Variants in CEP112 observed in about 807,000 individuals in gnomAD.
The protein encoded by CEP112 is centrosomal protein 112, also known as centrosomal protein of 112 kDa.
Under a neutral mutation model 153.0 loss-of-function variants are expected in CEP112, and 127 were observed. The observed-to-expected ratio is 0.83, with a 90% CI of 0.72 to 0.96. The LOEUF (loss-of-function observed/expected upper bound fraction) is 0.96. CEP112 is among the 40% of genes least tolerant of loss of function. The pLI, the probability that CEP112 is intolerant of heterozygous loss-of-function variation, is 0.00. For synonymous variants in CEP112, 358 were observed against 374.4 expected (o/e 0.96, Z 0.51); for missense variants, 1,089 against 1,101.2 (o/e 0.99, Z 0.16).
At chr17:66,152,049 G>A (rs2071233267) in intron 4 of CEP112, among the ~76,000 whole-genome samples, 1 of 152,138 alleles carries the variant, frequency 6.6e-6, no homozygotes, top group African/African-American at 2.4e-5. Flanking sequence ...GCTAGGTATA[G>A]CTAGAAAGAC....
intron 21 of CEP112, among the ~76,000 whole-genome samples, chr17:65,808,320 G>T (rs1362150192): frequency 1.3e-5 from 2 of 152,166 alleles, no homozygotes; most frequent in Non-Finnish European, 2.9e-5. Flanking sequence ...CTCATAGGTG[G>T]AAGGGACTTG....
intron 20 of CEP112, among the ~76,000 whole-genome samples, chr17:65,874,631 A>T (rs959250171): frequency 3.3e-5 from 5 of 152,268 alleles, no homozygotes; most frequent in Admixed American, 6.5e-5. Flanking sequence ...ATTGCATCAT[A>T]AAATTACATT....
chr17:65,750,822 G>T, intron 21 of CEP112, 98 bp from the exon 22 acceptor site: 1 of 1,051,766 alleles, frequency 9.5e-7, no homozygotes, highest in African/African-American at 1.6e-5. Context: ...CCTGCCAGCT[G>T]CACCGCCCTT....
At chr17:66,049,393 A>G (rs1355851327) in intron 12 of CEP112, among the ~76,000 whole-genome samples, 2 of 152,350 alleles carry the variant, frequency 1.3e-5, no homozygotes, top group East Asian at 3.9e-4. Flanking sequence ...GACTTATATA[A>G]CATTCTGAAG....
chr17:65,997,202 C>G (rs1369116855), intron 17 of CEP112, among the ~76,000 whole-genome samples: 1 of 152,124 alleles, frequency 6.6e-6, no homozygotes, highest in African/African-American at 2.4e-5. Context: ...CAGAGTGAGA[C>G]TCCATCTAAA....
intron 20 of CEP112, among the ~76,000 whole-genome samples, chr17:65,865,334 G>T (rs190197151): frequency 2.0e-5 from 3 of 151,290 alleles, no homozygotes; most frequent in Non-Finnish European, 4.4e-5. Context: ...GAGCCACTGC[G>T]CCCAGCCAAG....
At chr17:66,160,463 C>T (rs2071651177) in intron 4 of CEP112, among the ~76,000 whole-genome samples, 1 of 152,112 alleles carries the variant, frequency 6.6e-6, no homozygotes, top group African/African-American at 2.4e-5. Flanking sequence ...CTACAATAAC[C>T]AAAACAGCAT....
At chr17:65,707,539 T>C (rs2144671012) in intron 23 of CEP112, among the ~76,000 whole-genome samples, 1 of 152,304 alleles carries the variant, frequency 6.6e-6, no homozygotes, top group African/African-American at 2.4e-5. Flanking sequence ...TCCTACAAGG[T>C]GTGGCTTCCA....
intron 16 of CEP112, among the ~76,000 whole-genome samples, chr17:66,025,920 T>TACACACACACAC (rs759825168): frequency 0.13 from 16,340 of 124,378 alleles, 1,341 homozygotes; most frequent in Middle Eastern, 0.2. Context: ...AAATGTGGCA[T>TACACACACACAC]ACACACACAC....
intron 8 of CEP112, among the ~76,000 whole-genome samples, chr17:66,072,181 GA>G (rs1317907290): frequency 6.6e-6 from 1 of 151,810 alleles, no homozygotes; most frequent in Non-Finnish European, 1.5e-5. Context: ...TTGTAAATTA[GA>G]AGCATCCTGC....
At chr17:65,732,606 G>C (rs570105381) in intron 23 of CEP112, among the ~76,000 whole-genome samples, 6 of 152,224 alleles carry the variant, frequency 3.9e-5, no homozygotes, top group African/African-American at 7.2e-5. Context: ...CTGTCATTTA[G>C]TGTAGTCACC....
At chr17:66,066,107 T>C (rs544049048) in intron 10 of CEP112, among the ~76,000 whole-genome samples, 1 of 152,224 alleles carries the variant, frequency 6.6e-6, no homozygotes, top group South Asian at 2.1e-4. Context: ...AAACAATATT[T>C]TCAACACTCT....
intron 12 of CEP112, among the ~76,000 whole-genome samples, chr17:66,031,091 C>A (rs1207942737): frequency 6.6e-6 from 1 of 152,188 alleles, no homozygotes; most frequent in Non-Finnish European, 1.5e-5. Context: ...TCTAGACTGA[C>A]AAACATCAGA....
At chr17:65,841,907 T>TACAC (rs970112105) in intron 21 of CEP112, among the ~76,000 whole-genome samples, 45 of 74,410 alleles carry the variant, frequency 6.0e-4, no homozygotes, top group African/African-American at 1.5e-3. Flanking sequence ...TGTACACACA[T>TACAC]ACACACACAC....
chr17:65,984,423 A>G (rs2063332420), intron 17 of CEP112, among the ~76,000 whole-genome samples: 1 of 152,178 alleles, frequency 6.6e-6, no homozygotes, highest in Non-Finnish European at 1.5e-5. Context: ...ACTAATTGAA[A>G]ATTTTCGAAA....
intron 12 of CEP112, among the ~76,000 whole-genome samples, chr17:66,050,056 T>C (rs563780569): frequency 4.6e-5 from 7 of 152,208 alleles, no homozygotes; most frequent in African/African-American, 1.4e-4. Flanking sequence ...AAAAAGTCCA[T>C]AACTAGAGAC....
chr17:66,130,888 C>T (rs907471371), intron 5 of CEP112, among the ~76,000 whole-genome samples: 7 of 151,830 alleles, frequency 4.6e-5, no homozygotes, highest in Admixed American at 2.6e-4. Context: ...ATTTATCAGC[C>T]CCAGATGAAA....
chr17:65,705,209 CCA>C (rs1232420580), intron 23 of CEP112, among the ~76,000 whole-genome samples: 11 of 152,150 alleles, frequency 7.2e-5, no homozygotes, highest in Admixed American at 2.0e-4. Flanking sequence ...TCATAATGCT[CCA>C]AACTGCAAGA....
rs778036425 is a variant in CEP112, at chr17:65,750,728, A to C, written c.2395-4T>G. On this transcript the variant is annotated splice_region_variant and splice_polypyrimidine_tract_variant and intron_variant, in intron 21 of 26. Transcript: ENST00000535342. Reference sequence around the variant, plus strand: ...TCTGCTTCAGCTTGCTGTTGGCCTGAAAAACACATGTACATGAACACATAC... The same window carrying C: ...TCTGCTTCAGCTTGCTGTTGGCCTGCAAAACACATGTACATGAACACATAC... 9.4e-5 allele frequency: 151 copies of C among 1,613,670 alleles called. No individual in the cohort carries two copies. Among genetic ancestry groups the C allele is most frequent in the Non-Finnish European group, 1.3e-4 (148 of 1,179,674 alleles).
Sources: allele counts gnomAD v4.1 joint callset (sites outside exome capture counted in the v4.1 genomes callset), GRCh38; gene constraint gnomAD v4.1.1; transcripts MANE v1.5; gene names NCBI Gene and HGNC (gene_info 2026-07-23, HGNC 2026-07-21).